SPPL3: variants seen among roughly 807,000 people sequenced by gnomAD.
The protein encoded by SPPL3 is signal peptide peptidase like 3.
A neutral mutation model predicts 42.4 loss-of-function variants in SPPL3; 5 were observed. That is an observed-to-expected ratio of 0.12 (90% CI 0.06 to 0.25). The LOEUF (loss-of-function observed/expected upper bound fraction) is 0.25, where lower values mean the gene tolerates loss of function less well. Ranked by LOEUF, SPPL3 falls within the 10% of genes least tolerant of loss-of-function variation. The pLI is 1.00. For missense variants in SPPL3, 235 were observed against 489.0 expected (o/e 0.48, Z 4.90); for synonymous variants, 195 against 181.8 (o/e 1.07, Z -0.58).
chr12:120,788,548 A>T (rs1869798691), intron 3 of SPPL3, among the ~76,000 whole-genome samples: 1 of 152,144 alleles, frequency 6.6e-6, no homozygotes, highest in South Asian at 2.1e-4. Flanking sequence ...CTCCTATTAT[A>T]ATCAAGGACA....
At chr12:120,832,120 CTAAA>C (rs1871445205) in intron 1 of SPPL3, among the ~76,000 whole-genome samples, 1 of 152,126 alleles carries the variant, frequency 6.6e-6, no homozygotes, top group East Asian at 1.9e-4. Context: ...GGGTACTGTG[CTAAA>C]TAAGTGCTTT....
chr12:120,855,157 G>C (rs1352897726), intron 1 of SPPL3, among the ~76,000 whole-genome samples: 3 of 152,112 alleles, frequency 2.0e-5, no homozygotes, highest in Non-Finnish European at 4.4e-5. Context: ...AATGACGAGA[G>C]AAGGGGACTA....
intron 2 of SPPL3, among the ~76,000 whole-genome samples, chr12:120,801,937 C>T (rs1366456029): frequency 6.6e-6 from 1 of 152,122 alleles, no homozygotes; most frequent in Non-Finnish European, 1.5e-5. Context: ...GTACATTTCA[C>T]ATGAAGTTTA....
rs188563212 is a variant in SPPL3 at position 120,874,710 on chromosome 12, C to T, written c.23+29135G>A. ...GAAGCAGAGCATGTGGGCTGGGATA[C>T]GAGAGGGTGTGTGTGATGTGGGGGA... On this transcript the variant is annotated intron_variant, in intron 1 of 10. Transcript: ENST00000353487. Among the ~76,000 whole-genome samples the T allele has an allele frequency of 1.1e-4, 16 of 151,914 alleles. No homozygotes were observed. In the East Asian group the frequency reaches 1.2e-3, roughly 11 times the overall value.
intron 6 of SPPL3, among the ~76,000 whole-genome samples, chr12:120,780,464 A>T (rs372345081): frequency 6.6e-6 from 1 of 151,448 alleles, no homozygotes; most frequent in East Asian, 2.0e-4. Flanking sequence ...AAACAAAAAA[A>T]GCTGGGGGAG....
In SPPL3 at chr12:120,766,332, G is replaced by A. The variant is rs749419375; in HGVS notation, c.1014C>T (p.Ala338=). The change falls in exon 10 of 11, where the codon GCC becomes GCT. Residue 338 remains alanine (A), a synonymous_variant. Transcript: ENST00000353487. ...CCAAATAGAGAAGGGCGGGCTGGGCGGCCCGGTGAATGCGAGACGCCACAG... is the reference window on the plus strand; with the variant it reads ...CCAAATAGAGAAGGGCGGGCTGGGCAGCCCGGTGAATGCGAGACGCCACAG... ...TATVASRIHR[A]AQPALLYLVP... 1.0e-5 allele frequency: 16 copies of A among 1,600,330 alleles called. No homozygotes were observed. The highest frequency in any genetic ancestry group is 1.7e-4 in the Middle Eastern group (1 of 6,060).
chr12:120,802,431 A>ATTTTTTTT (rs1166451844), intron 2 of SPPL3, among the ~76,000 whole-genome samples: 2 of 105,158 alleles, frequency 1.9e-5, no homozygotes, highest in African/African-American at 9.2e-5. Context: ...ATATATATAT[A>ATTTTTTTT]TTTTTTTTTT....
intron 1 of SPPL3, among the ~76,000 whole-genome samples, chr12:120,901,540 G>A (rs1037645362): frequency 2.1e-5 from 3 of 145,658 alleles, no homozygotes; most frequent in Admixed American, 1.4e-4. Context: ...GCAGTGAGCC[G>A]AGATGGCGCC....
chr12:120,766,403 C>A (rs1048692333), intron 9 of SPPL3, 31 bp from the exon 10 acceptor site: 3 of 1,535,880 alleles, frequency 2.0e-6, no homozygotes, highest in East Asian at 4.7e-5. Context: ...CTGTGAGACA[C>A]GAGAGGGAAC....
At chr12:120,801,296 C>G (rs191801213) in intron 2 of SPPL3, among the ~76,000 whole-genome samples, 2 of 152,230 alleles carry the variant, frequency 1.3e-5, no homozygotes, top group South Asian at 4.2e-4. Flanking sequence ...TGGGCCTCCT[C>G]TTCTCTCTCT....
In SPPL3 at chr12:120,852,699, T is replaced by TATTTCATATA. The variant is rs1566060802; in HGVS notation, c.24-41814_24-41813insTATATGAAAT. ...ATATATGCATATATAATATACATAT[T>TATTTCATATA]TTACATATATGAAATATATTTTATA... On this transcript the variant is annotated intron_variant, in intron 1 of 10. Coordinates refer to ENST00000353487, the MANE Select transcript of SPPL3 (RefSeq NM_139015.5). 7.5e-3 allele frequency among the ~76,000 whole-genome samples: 149 copies of TATTTCATATA among 19,746 alleles called. 10 individuals carry two copies. Among genetic ancestry groups the TATTTCATATA allele is most frequent in the South Asian group, 0.054 (29 of 538 alleles). 13.0% of individuals were successfully genotyped at this position (19,746 alleles called of 152,430 possible).
chr12:120,889,182 A>G (rs1194105738), intron 1 of SPPL3, among the ~76,000 whole-genome samples: 1 of 152,212 alleles, frequency 6.6e-6, no homozygotes, highest in Non-Finnish European at 1.5e-5. Flanking sequence ...AATGCCACAG[A>G]AAGGGACTTC....
At position 120,821,336 on chromosome 12, in the gene SPPL3, G is replaced by A. The variant is rs114243495; in HGVS notation, c.24-10450C>T. On this transcript the variant is annotated intron_variant, in intron 1 of 10. Transcript: ENST00000353487. ...GTTTCCAAAGCATGCGCTTTTGATT[G>A]TGACTTGCGCACACAACCAGCAACA... Among the ~76,000 whole-genome samples, 515 of 152,300 alleles carry A rather than the reference G, an allele frequency of 3.4e-3. 3 individuals are homozygous for A. The highest frequency in any genetic ancestry group is 0.012 in the African/African-American group (498 of 41,554).
chr12:120,765,137 T>TA (rs869088981), intron 10 of SPPL3, 67 bp from the exon 11 acceptor site: 19,971 of 1,155,166 alleles, frequency 0.017, no homozygotes, highest in Non-Finnish European at 0.02. Context: ...TCTGATTCTT[T>TA]AAAAAAAAAA....
chr12:120,843,021 T>C (rs1469041224), intron 1 of SPPL3, among the ~76,000 whole-genome samples: 4 of 152,176 alleles, frequency 2.6e-5, no homozygotes, highest in Non-Finnish European at 5.9e-5. Context: ...ATGTATTAAA[T>C]TACAGCCTCA....
intron 1 of SPPL3, among the ~76,000 whole-genome samples, chr12:120,886,852 C>T (rs555368983): frequency 1.3e-5 from 2 of 152,172 alleles, no homozygotes; most frequent in South Asian, 4.1e-4. Flanking sequence ...AATATGGGAG[C>T]TGCTAGCCAC....
chr12:120,827,178 CA>C (rs1296661157), intron 1 of SPPL3, among the ~76,000 whole-genome samples: 1 of 151,784 alleles, frequency 6.6e-6, no homozygotes, highest in African/African-American at 2.4e-5. Context: ...AACAGCCAAA[CA>C]AAAGTTATCT....
At chr12:120,769,799 C>T (rs1869050008) in intron 6 of SPPL3, 1 of 152,224 alleles carries the variant, frequency 6.6e-6, no homozygotes. Flanking sequence ...GATCCACCTG[C>T]CTTGGCCTCC....
At chr12:120,778,499 C>T (rs1266879650) in intron 6 of SPPL3, among the ~76,000 whole-genome samples, 1 of 152,120 alleles carries the variant, frequency 6.6e-6, no homozygotes, top group African/African-American at 2.4e-5. Flanking sequence ...CACCACCATG[C>T]TCAGCATAGA....
Sources: gnomAD v4.1 joint callset for allele counts (sites outside exome capture counted in the v4.1 genomes callset) on GRCh38, gnomAD v4.1.1 for gene constraint, MANE v1.5 for transcripts, NCBI Gene and HGNC (gene_info 2026-07-23, HGNC 2026-07-21) for gene names.